The following P4HA3 variants were observed in gnomAD, a reference collection of about 807,000 sequenced individuals.
P4HA3 encodes prolyl 4-hydroxylase subunit alpha-3.
Under a neutral mutation model 66.7 loss-of-function variants are expected in P4HA3, and 60 were observed. The ratio of observed to expected loss-of-function variants is 0.90; its 90% CI spans 0.73 to 1.12. The LOEUF is 1.12. Ranked by LOEUF, P4HA3 falls within the 50% of genes most tolerant of loss-of-function variation. The probability of loss-of-function intolerance (pLI) is 0.00; values close to 1 mark genes in which losing one functional copy is unlikely to be tolerated. For missense variants in P4HA3, 683 were observed against 685.8 expected (o/e 1.00, Z 0.05); for synonymous variants, 263 against 274.6 (o/e 0.96, Z 0.42).
chr11:74,263,289 T>C (rs898725388), downstream of P4HA3, among the ~76,000 whole-genome samples: 1 of 152,260 alleles, frequency 6.6e-6, no homozygotes, highest in Non-Finnish European at 1.5e-5. Context: ...TTCATTCCTA[T>C]ATTCAACAGA....
intron 4 of P4HA3, among the ~76,000 whole-genome samples, chr11:74,291,469 C>T (rs1195839309): frequency 6.6e-6 from 1 of 152,300 alleles, no homozygotes; most frequent in Admixed American, 6.5e-5. Context: ...CTGGCCAGAA[C>T]TTCCAACACT....
At chr11:74,277,378 A>G (rs967178341) in intron 8 of P4HA3, among the ~76,000 whole-genome samples, 1 of 152,186 alleles carries the variant, frequency 6.6e-6, no homozygotes, top group African/African-American at 2.4e-5. Context: ...CACAGCATTG[A>G]GATACAAAGA....
At chr11:74,311,285 A>T in intron 1 of P4HA3, 127 bp downstream of exon 1, 1 of 1,119,020 alleles carries the variant, frequency 8.9e-7, no homozygotes, top group Non-Finnish European at 1.2e-6. Flanking sequence ...ACGGTGCGAC[A>T]GTGGGTCTGG....
intron 3 of P4HA3, among the ~76,000 whole-genome samples, chr11:74,301,555 C>T (rs554266763): frequency 1.3e-5 from 2 of 152,282 alleles, no homozygotes; most frequent in Non-Finnish European, 2.9e-5. Flanking sequence ...AATCAGGACA[C>T]ATGAGACCCA....
At chr11:74,284,497 T>C (rs1010760779) in intron 7 of P4HA3, among the ~76,000 whole-genome samples, 1 of 152,328 alleles carries the variant, frequency 6.6e-6, no homozygotes, top group South Asian at 2.1e-4. Context: ...TGGGATGGCT[T>C]CAATCAAAAT....
Position 74,302,597 on chromosome 11 carries a change from A to T in P4HA3, c.344-5T>A. On this transcript the variant is annotated splice_region_variant and splice_polypyrimidine_tract_variant and intron_variant, in intron 2 of 12. Coordinates refer to ENST00000331597, the MANE Select transcript of P4HA3 (RefSeq NM_182904.5). ...TCTCATAGCCATCCTTCAGAGCTGT[A>T]AAAGTAGTAAAAACATCAACCCAGC... The T allele has an allele frequency of 6.2e-7, 1 of 1,606,886 alleles. No homozygotes were observed. The highest frequency in any genetic ancestry group is 8.5e-7 in the Non-Finnish European group (1 of 1,176,510).
Position 74,311,572 on chromosome 11 carries a change from G to T in P4HA3, c.40C>A (p.Leu14Met). 6.5e-7 allele frequency: 1 copy of T among 1,534,108 alleles called. No homozygotes were observed. The change falls in exon 1 of 13, where the codon CTG (leucine) becomes ATG (methionine). Residue 14 changes from leucine (L) to methionine (M), a missense_variant. Transcript: ENST00000331597. ...GARLAALLAV[L>M]ALGTGDPERA... ...TCTGGGTCTCCTGTCCCGAGCGCCAGCACCGCCAGCAGCGCCGCCAGCCGC... is the reference window on the plus strand; with the variant it reads ...TCTGGGTCTCCTGTCCCGAGCGCCATCACCGCCAGCAGCGCCGCCAGCCGC...
chr11:74,283,667 G>T (rs1018082438), intron 7 of P4HA3, among the ~76,000 whole-genome samples: 5 of 152,136 alleles, frequency 3.3e-5, no homozygotes, highest in Non-Finnish European at 7.4e-5. Flanking sequence ...CCCATCCCTT[G>T]CACACTTCAG....
At position 74,286,372 on chromosome 11, in the gene P4HA3, C is replaced by T. The variant is rs368754284; in HGVS notation, c.789G>A (p.Met263Ile). Residue 263 changes from methionine (M) to isoleucine (I), a missense_variant, in exon 6 of 13, where the codon ATG becomes ATA. By Grantham distance (10) the Met-to-Ile change is conservative. Coordinates refer to ENST00000331597, the MANE Select transcript of P4HA3 (RefSeq NM_182904.5). Reference protein sequence around the residue: ...FLLYSPDNKRMARNVLKYERL... With the variant: ...FLLYSPDNKRIARNVLKYERL... ...TTTCATATTTCAAGACATTCCTGGCCATCCTCTTATTATCTGGGCCTGGAA... is the reference window on the plus strand; with the variant it reads ...TTTCATATTTCAAGACATTCCTGGCTATCCTCTTATTATCTGGGCCTGGAA... 23 of 1,554,950 alleles carry T rather than the reference C, an allele frequency of 1.5e-5. No individual in the cohort carries two copies. Among genetic ancestry groups the T allele is most frequent in the Non-Finnish European group, 2.0e-5 (23 of 1,152,470 alleles).
downstream of P4HA3, among the ~76,000 whole-genome samples, chr11:74,266,410 T>C (rs1224659738): frequency 6.6e-6 from 1 of 152,236 alleles, no homozygotes; most frequent in Non-Finnish European, 1.5e-5. Flanking sequence ...TTATAACACC[T>C]AACACAATGT....
chr11:74,262,144 C>T (rs763057628), downstream of P4HA3, among the ~76,000 whole-genome samples: 6 of 152,098 alleles, frequency 3.9e-5, no homozygotes, highest in Non-Finnish European at 8.8e-5. Context: ...TCCATCTGAG[C>T]GATGCCCTTG....
intron 1 of P4HA3, 87 bp downstream of exon 1, chr11:74,311,325 G>C: frequency 1.5e-6 from 2 of 1,335,686 alleles, no homozygotes; most frequent in Non-Finnish European, 2.0e-6. Context: ...ATGAGCCTGG[G>C]GTCACACTCA....
At chr11:74,264,761 G>A (rs79599822), downstream of P4HA3, among the ~76,000 whole-genome samples, 6,009 of 152,326 alleles carry the variant, frequency 0.039, 126 homozygotes, top group Middle Eastern at 0.11. Context: ...GTGCTTCAAT[G>A]ACACTGAATG....
chr11:74,303,622 C>T (rs1008871053), intron 2 of P4HA3, among the ~76,000 whole-genome samples: 2 of 151,452 alleles, frequency 1.3e-5, no homozygotes, highest in East Asian at 3.9e-4. Flanking sequence ...GCTCTGTCAC[C>T]CCAGGCTGGA....
intron 4 of P4HA3, among the ~76,000 whole-genome samples, chr11:74,293,671 G>T (rs1460062620): frequency 1.3e-5 from 2 of 152,174 alleles, no homozygotes; most frequent in Non-Finnish European, 1.5e-5. Flanking sequence ...GCATTTGCTT[G>T]TCTGTAAAGG....
In P4HA3 at chr11:74,302,457, T is replaced by C; in HGVS notation, c.479A>G (p.Gln160Arg). Residue 160 changes from glutamine (Q) to arginine (R), a missense_variant, in exon 3 of 13, where the codon CAG becomes CGG. Gln to Arg is a conservative substitution (Grantham distance 43). Coordinates refer to ENST00000331597, the MANE Select transcript of P4HA3 (RefSeq NM_182904.5). The stretch of plus-strand genomic sequence containing the variant: ...AGTGATGGCAGAGCCAGTGACTCTC[T>C]GAAAGACACCTCGGGCCAGGCCTTT... ...NVKGLARGVF[Q>R]RVTGSAITDL... 1 of 1,614,184 alleles carries C rather than the reference T, an allele frequency of 6.2e-7. No homozygotes were observed. Among genetic ancestry groups the C allele is most frequent in the South Asian group, 1.1e-5 (1 of 91,088 alleles).
chr11:74,250,863 G>T (rs1462291025), intron 15 of P4HA3: 1 of 1,086,350 alleles, frequency 9.2e-7, no homozygotes, highest in East Asian at 2.6e-5. Flanking sequence ...AAATGGGGAG[G>T]TAGGTCCTGG....
chr11:74,309,138 A>G (rs1031409775), intron 1 of P4HA3, among the ~76,000 whole-genome samples: 1 of 152,266 alleles, frequency 6.6e-6, no homozygotes, highest in Non-Finnish European at 1.5e-5. Flanking sequence ...ATAAACAATC[A>G]AAACAACTGT....
intron 9 of P4HA3, among the ~76,000 whole-genome samples, chr11:74,275,985 A>G (rs1222939041): frequency 6.6e-6 from 1 of 152,228 alleles, no homozygotes; most frequent in Non-Finnish European, 1.5e-5. Flanking sequence ...AAAGAATGAA[A>G]TAATTTCCTC....
Sources: gnomAD v4.1 joint callset for allele counts (sites outside exome capture counted in the v4.1 genomes callset) on GRCh38, gnomAD v4.1.1 for gene constraint, MANE v1.5 for transcripts, NCBI Gene and HGNC (gene_info 2026-07-23, HGNC 2026-07-21) for gene names.